Variants in ARHGAP42 observed in about 807,000 individuals in gnomAD.
ARHGAP42 encodes the protein Rho GTPase activating protein 42, also known as rho GTPase-activating protein 42.
A neutral mutation model predicts 125.0 loss-of-function variants in ARHGAP42; 63 were observed. That is an observed-to-expected ratio of 0.50 (90% CI 0.41 to 0.62). The LOEUF is 0.62. Among genes scored for constraint, ARHGAP42 ranks in the 20% least tolerant of loss-of-function variants. ARHGAP42 has a pLI of 0.00. For missense variants in ARHGAP42, 766 were observed against 1,024.2 expected (o/e 0.75, Z 3.44); for synonymous variants, 339 against 351.0 (o/e 0.97, Z 0.38).
chr11:100,840,374 T>C (rs1864917679), intron 3 of ARHGAP42, among the ~76,000 whole-genome samples: 1 of 152,152 alleles, frequency 6.6e-6, no homozygotes, highest in African/African-American at 2.4e-5. Context: ...GCATTTCCTC[T>C]CAGAGGTGAC....
At chr11:100,721,874 T>G (rs113089782) in intron 1 of ARHGAP42, among the ~76,000 whole-genome samples, 4,042 of 152,350 alleles carry the variant, frequency 0.027, 68 homozygotes, top group Non-Finnish European at 0.031. Flanking sequence ...TGCTTCCAAG[T>G]TTTGGCAATA....
At chr11:100,938,251 C>G (rs1867787457) in intron 8 of ARHGAP42, among the ~76,000 whole-genome samples, 2 of 152,034 alleles carry the variant, frequency 1.3e-5, no homozygotes, top group African/African-American at 4.8e-5. Context: ...TTGCAGTGAC[C>G]TCCTAACTGT....
intron 8 of ARHGAP42, among the ~76,000 whole-genome samples, chr11:100,938,172 C>T (rs1273529989): frequency 6.6e-6 from 1 of 151,902 alleles, no homozygotes; most frequent in Non-Finnish European, 1.5e-5. Context: ...CCTGTCTATT[C>T]TGTCTTCTTG....
chr11:100,953,217 T>G (rs1003476756), intron 12 of ARHGAP42, among the ~76,000 whole-genome samples: 19 of 152,102 alleles, frequency 1.2e-4, no homozygotes, highest in Admixed American at 1.3e-4. Context: ...GTAACTGGTA[T>G]TGGAAACCAG....
chr11:100,826,038 A>G (rs1864508661), intron 3 of ARHGAP42, among the ~76,000 whole-genome samples: 2 of 151,994 alleles, frequency 1.3e-5, no homozygotes, highest in Non-Finnish European at 2.9e-5. Flanking sequence ...TAGACGAGTT[A>G]TTATTTATTC....
At chr11:100,955,640 T>C (rs1483753735) in intron 12 of ARHGAP42, among the ~76,000 whole-genome samples, 1 of 152,114 alleles carries the variant, frequency 6.6e-6, no homozygotes, top group East Asian at 1.9e-4. Context: ...TTATTTCTCC[T>C]GTGTAGGATA....
chr11:100,728,445 C>A (rs1203920676), intron 1 of ARHGAP42, among the ~76,000 whole-genome samples: 1 of 152,130 alleles, frequency 6.6e-6, no homozygotes, highest in East Asian at 1.9e-4. Context: ...GACGGTAACA[C>A]TGAAGACTGT....
chr11:100,949,425 A>G (rs1396884514), intron 11 of ARHGAP42, among the ~76,000 whole-genome samples: 1 of 152,132 alleles, frequency 6.6e-6, no homozygotes, highest in Non-Finnish European at 1.5e-5. Context: ...TATATTTTAC[A>G]CAAATGTGAA....
intron 3 of ARHGAP42, among the ~76,000 whole-genome samples, chr11:100,798,805 C>G (rs1863784652): frequency 6.6e-6 from 1 of 152,114 alleles, no homozygotes; most frequent in Non-Finnish European, 1.5e-5. Flanking sequence ...GGACTGAATC[C>G]TCTGGGACTG....
At chr11:100,857,532 A>C (rs1294439178) in intron 3 of ARHGAP42, among the ~76,000 whole-genome samples, 1 of 152,116 alleles carries the variant, frequency 6.6e-6, no homozygotes, top group Non-Finnish European at 1.5e-5. Flanking sequence ...TAGTTCTGCC[A>C]ATGTGAGATG....
At chr11:100,878,228 A>G (rs1026517145) in intron 4 of ARHGAP42, among the ~76,000 whole-genome samples, 1 of 151,702 alleles carries the variant, frequency 6.6e-6, no homozygotes, top group East Asian at 2.0e-4. Flanking sequence ...TCCCTGTTTC[A>G]AGTGATTCTC....
At chr11:100,960,170 C>T (rs1368463395) in intron 13 of ARHGAP42, among the ~76,000 whole-genome samples, 1 of 151,866 alleles carries the variant, frequency 6.6e-6, no homozygotes, top group Non-Finnish European at 1.5e-5. Flanking sequence ...TTTTCTAATA[C>T]AGCCTCACTA....
intron 1 of ARHGAP42, among the ~76,000 whole-genome samples, chr11:100,745,952 T>G (rs539916043): frequency 6.6e-6 from 1 of 152,338 alleles, no homozygotes; most frequent in East Asian, 1.9e-4. Context: ...GGGACTCTAA[T>G]TGTGTCTAAG....
chr11:100,697,473 C>T (rs1280660252), intron 1 of ARHGAP42, among the ~76,000 whole-genome samples: 1 of 152,166 alleles, frequency 6.6e-6, no homozygotes, highest in Admixed American at 6.5e-5. Flanking sequence ...TGAGCCACCG[C>T]GCCCGGCCAA....
chr11:100,830,863 A>G (rs968551749), intron 3 of ARHGAP42, among the ~76,000 whole-genome samples: 2 of 152,150 alleles, frequency 1.3e-5, no homozygotes, highest in African/African-American at 4.8e-5. Context: ...CACCACGGTT[A>G]CTATTTCAGA....
chr11:100,695,107 C>T (rs1280919200), intron 1 of ARHGAP42, among the ~76,000 whole-genome samples: 2 of 152,250 alleles, frequency 1.3e-5, no homozygotes, highest in East Asian at 3.8e-4. Flanking sequence ...CCATCTTTTA[C>T]AGCTGCCATA....
chr11:100,818,899 A>C (rs2135072583), intron 3 of ARHGAP42, among the ~76,000 whole-genome samples: 1 of 152,278 alleles, frequency 6.6e-6, no homozygotes, highest in Non-Finnish European at 1.5e-5. Context: ...ATAGGAAAGA[A>C]GACATAAGCA....
chr11:100,787,020 G>T (rs1036511269), intron 2 of ARHGAP42, among the ~76,000 whole-genome samples: 1 of 152,054 alleles, frequency 6.6e-6, no homozygotes, highest in South Asian at 2.1e-4. Context: ...GCTCACACCC[G>T]TAATCCCAGC....
At chr11:100,741,340 T>C (rs1862182194) in intron 1 of ARHGAP42, among the ~76,000 whole-genome samples, 1 of 151,886 alleles carries the variant, frequency 6.6e-6, no homozygotes, top group Non-Finnish European at 1.5e-5. Flanking sequence ...CGAAGAAATC[T>C]TATTCTTATA....
Sources: gnomAD v4.1 joint callset for allele counts (sites outside exome capture counted in the v4.1 genomes callset) on GRCh38, gnomAD v4.1.1 for gene constraint, MANE v1.5 for transcripts, NCBI Gene and HGNC (gene_info 2026-07-23, HGNC 2026-07-21) for gene names.